Variants in ACP6 observed in about 807,000 individuals in gnomAD.
ACP6 encodes acid phosphatase 6, lysophosphatidic.
Under a neutral mutation model 48.1 loss-of-function variants are expected in ACP6, and 48 were observed. The observed-to-expected ratio is 1.00, with a 90% CI of 0.79 to 1.27. ACP6 has a LOEUF of 1.27. Ranked by LOEUF, ACP6 falls within the 50% of genes most tolerant of loss-of-function variation. The probability of loss-of-function intolerance (pLI) is 0.00; values close to 1 mark genes in which losing one functional copy is unlikely to be tolerated. For missense variants in ACP6, 485 were observed against 529.1 expected (o/e 0.92, Z 0.82); for synonymous variants, 172 against 204.2 (o/e 0.84, Z 1.34).
Position 147,654,262 on chromosome 1 carries a change from T to C in ACP6, c.712A>G (p.Arg238Gly), listed in dbSNP as rs1443058005. 35 of 1,614,130 alleles carry C rather than the reference T, an allele frequency of 2.2e-5. No individual in the cohort carries two copies. Among genetic ancestry groups the C allele is most frequent in the Non-Finnish European group, 3.0e-5 (35 of 1,180,050 alleles). Reference protein sequence around the residue: ...ISEDLKKVKDRMGIDSSDKVD... With the variant: ...ISEDLKKVKDGMGIDSSDKVD... ...TTATCACTACTGTCAATGCCCATCC[T>C]GTCCTTCACCTTTTTCAAATCCTCT... is the stretch of plus-strand genomic sequence containing the variant. Residue 238 changes from arginine to glycine, a missense_variant, in exon 6 of 10, where the codon AGG (arginine) becomes GGG (glycine). By Grantham distance (125) the Arg-to-Gly change is moderately radical. Transcript: ENST00000583509.
intron 5 of ACP6, among the ~76,000 whole-genome samples, chr1:147,633,356 C>A (rs1414766160): frequency 2.0e-5 from 3 of 152,208 alleles, no homozygotes; most frequent in African/African-American, 7.2e-5. Context: ...TAACTGCCCT[C>A]ATAGTTTTAT....
At chr1:147,648,158 TGAG>T (rs1659722996) in intron 9 of ACP6, 85 bp downstream of exon 9, 43 of 1,490,938 alleles carry the variant, frequency 2.9e-5, no homozygotes, top group Non-Finnish European at 3.8e-5. Flanking sequence ...CCACTGGGCC[TGAG>T]GAGGGAGACT....
Position 147,644,692 on chromosome 1 carries a change from A to C in ACP6, c.*2731T>G, listed in dbSNP as rs1173000260. On this transcript the variant is annotated 3_prime_UTR_variant, in exon 10 of 10. Coordinates refer to ENST00000583509, the MANE Select transcript of ACP6 (RefSeq NM_016361.5). ...GATGTAGTAGAGGTAGGATATGAGA[A>C]AAAGAGGGGAGTCAAGGGCAGTTCT... 6.6e-6 allele frequency: 1 copy of C among 152,236 alleles called. No individual in the cohort carries two copies. Among genetic ancestry groups the C allele is most frequent in the Non-Finnish European group, 1.5e-5 (1 of 68,052 alleles). The allele number at this position is 152,236 out of a possible 1,614,324, so 9.4% of individuals were successfully genotyped here.
chr1:147,632,096 C>A (rs1200269001), intron 5 of ACP6, among the ~76,000 whole-genome samples: 2 of 151,938 alleles, frequency 1.3e-5, no homozygotes, highest in African/African-American at 4.8e-5. Flanking sequence ...CAGGCTTTCC[C>A]AATGGCTGGC....
At chr1:147,647,883 C>T (rs1027768755) in intron 9 of ACP6, 6 of 486,670 alleles carry the variant, frequency 1.2e-5, no homozygotes, top group Admixed American at 3.7e-5. Flanking sequence ...AAGCAGCCAA[C>T]ACCACGGGTG....
At chr1:147,659,097 C>T in intron 3 of ACP6, 58 bp from the exon 4 acceptor site, 1 of 1,461,798 alleles carries the variant, frequency 6.8e-7, no homozygotes, top group Non-Finnish European at 9.4e-7. Context: ...TATATACACT[C>T]TATTTTATTC....
In ACP6 at chr1:147,652,559, C is replaced by A. The variant is rs145824520; in HGVS notation, c.781-10G>T. On this transcript the variant is annotated splice_polypyrimidine_tract_variant and intron_variant, in intron 6 of 9. Coordinates refer to ENST00000583509, the MANE Select transcript of ACP6 (RefSeq NM_016361.5). ...TTGGGAGGTTGTGTGCCTGAAAGGG[C>A]CACATGTAGTTTTAGAAAAAAATGC... is the stretch of plus-strand genomic sequence containing the variant. 2.6e-4 allele frequency: 427 copies of A among 1,613,870 alleles called. 1 individual carries two copies. In the African/African-American group the frequency reaches 5.0e-3, roughly 19 times the overall value.
In ACP6 at chr1:147,648,427, G is replaced by A; in HGVS notation, c.978-16C>T. 1 of 1,613,736 alleles carries A rather than the reference G, an allele frequency of 6.2e-7. No individual in the cohort carries two copies. The highest frequency in any genetic ancestry group is 8.5e-7 in the Non-Finnish European group (1 of 1,179,746). On this transcript the variant is annotated splice_polypyrimidine_tract_variant and intron_variant, in intron 8 of 9. Transcript: ENST00000583509. ...ATACAGCTTTCTGCAAGAGGAAACA[G>A]CTCTCCACAATTCTCTGCCTCAGGA...
At position 147,648,235 on chromosome 1, in the gene ACP6, AGG is replaced by A; in HGVS notation, c.1143+9_1143+10del. 1 of 1,613,938 alleles carries A rather than the reference AGG, an allele frequency of 6.2e-7. No homozygotes were observed. Among genetic ancestry groups the A allele is most frequent in the Admixed American group, 1.7e-5 (1 of 59,996 alleles). On this transcript the variant is annotated intron_variant, in intron 9 of 9. Transcript: ENST00000583509. ...CCTCACCACCACCCAACCCCACCTC[AGG>A]GGTATTACCTTCCCGTGGTAATAGA...
Position 147,669,954 on chromosome 1 carries a change from G to A in ACP6, c.95C>T (p.Ala32Val), listed in dbSNP as rs1553214389. 11 of 1,548,770 alleles carry A rather than the reference G, an allele frequency of 7.1e-6. No individual in the cohort carries two copies. Among genetic ancestry groups the A allele is most frequent in the Non-Finnish European group, 9.6e-6 (11 of 1,146,968 alleles). The change falls in exon 1 of 10, where the codon GCC becomes GTC. Residue 32 changes from alanine to valine, a missense_variant. By Grantham distance (64) the Ala-to-Val change is moderately conservative. Coordinates refer to ENST00000583509, the MANE Select transcript of ACP6 (RefSeq NM_016361.5). ...CTGGCCATCGGCCTCCTGCAGCTCG[G>A]CCAGGGCCACCCGCCGCTGGTGCAG... ...YCLHQRRVAL[A>V]ELQEADGQCP...
intron 5 of ACP6, among the ~76,000 whole-genome samples, chr1:147,636,101 C>T (rs1246754291): frequency 6.6e-6 from 1 of 151,994 alleles, no homozygotes; most frequent in African/African-American, 2.4e-5. Flanking sequence ...GTGTTGGTCT[C>T]CCAGAGTGTA....
chr1:147,668,306 A>T (rs1343953373), intron 1 of ACP6, among the ~76,000 whole-genome samples: 1 of 152,158 alleles, frequency 6.6e-6, no homozygotes, highest in African/African-American at 2.4e-5. Flanking sequence ...TGGTATCCTA[A>T]GCTACAACGG....
intron 1 of ACP6, among the ~76,000 whole-genome samples, chr1:147,661,323 T>TTC (rs1660535716): frequency 6.6e-6 from 1 of 151,358 alleles, no homozygotes. Context: ...TAATTTTTTT[T>TTC]TTTTGAGAGA....
intron 4 of ACP6, among the ~76,000 whole-genome samples, chr1:147,655,764 GC>G (rs1425461950): frequency 2.0e-5 from 3 of 152,166 alleles, no homozygotes. Context: ...AAAAAGCCAG[GC>G]TTTTAGATGA....
chr1:147,632,223 A>ACACACACACC (rs782322621), intron 5 of ACP6, among the ~76,000 whole-genome samples: 4 of 148,544 alleles, frequency 2.7e-5, no homozygotes, highest in African/African-American at 7.5e-5. Context: ...ACACACACAC[A>ACACACACACC]CCATCATTTT....
At chr1:147,658,883 A>T in intron 4 of ACP6, 77 bp downstream of exon 4, 1 of 1,388,178 alleles carries the variant, frequency 7.2e-7, no homozygotes, top group Non-Finnish European at 9.9e-7. Context: ...ACAGGCACCA[A>T]GAAAGAGATA....
At position 147,654,954 on chromosome 1, in the gene ACP6, T is replaced by C. The variant is rs587759212; in HGVS notation, c.647+207A>G. On this transcript the variant is annotated intron_variant, in intron 5 of 9. Transcript: ENST00000583509. ...AGTGTGCGGCTCTTCCCAGAATTCC[T>C]GGCCTTCACCATGGGTCTGTCATTG... is the stretch of plus-strand genomic sequence containing the variant. Among the ~76,000 whole-genome samples the C allele has an allele frequency of 2.6e-5, 4 of 152,364 alleles. No homozygotes were observed. In the East Asian group the frequency reaches 5.8e-4, roughly 22 times the overall value.
intron 1 of ACP6, among the ~76,000 whole-genome samples, chr1:147,664,596 G>A (rs1284417443): frequency 3.3e-5 from 5 of 152,038 alleles, no homozygotes; most frequent in African/African-American, 9.7e-5. Context: ...ACAGAGACTC[G>A]GTCATCTATT....
chr1:147,652,499 G>T lies in ACP6; in HGVS notation c.831C>A (p.Ile277=). The T allele has an allele frequency of 1.2e-6, 2 of 1,614,066 alleles. No homozygotes were observed. Among genetic ancestry groups the T allele is most frequent in the Non-Finnish European group, 1.7e-6 (2 of 1,179,994 alleles). Residue 277 remains isoleucine, a synonymous_variant, in exon 7 of 10, where the codon ATC becomes ATA. Coordinates refer to ENST00000583509, the MANE Select transcript of ACP6 (RefSeq NM_016361.5). ...CPMLKRFARM[I]EQRAVDTSLY... ...AGGATGTGTCCACAGCTCTCTGTTC[G>T]ATCATCCTTGCAAATCTCTTCAGCA...
Sources: gnomAD v4.1 joint callset for allele counts (sites outside exome capture counted in the v4.1 genomes callset) on GRCh38, gnomAD v4.1.1 for gene constraint, MANE v1.5 for transcripts, NCBI Gene and HGNC (gene_info 2026-07-23, HGNC 2026-07-21) for gene names.